The following L3MBTL1 variants were observed in gnomAD, a reference collection of about 807,000 sequenced individuals.
The protein encoded by L3MBTL1 is L3MBTL histone methyl-lysine binding protein 1.
L3MBTL1 carries 75 observed loss-of-function variants against 105.3 expected under a neutral mutation model. The ratio of observed to expected loss-of-function variants is 0.71; its 90% CI spans 0.59 to 0.86. The LOEUF (loss-of-function observed/expected upper bound fraction) is 0.86, where lower values mean the gene tolerates loss of function less well. Among genes scored for constraint, L3MBTL1 ranks in the 40% least tolerant of loss-of-function variants. The pLI is 0.00. For missense variants in L3MBTL1, 1,069 were observed against 1,126.4 expected (o/e 0.95, Z 0.73); for synonymous variants, 452 against 436.2 (o/e 1.04, Z -0.45).
intron 2 of L3MBTL1, 65 bp from the exon 3 acceptor site, chr20:43,513,773 T>C: frequency 6.5e-7 from 1 of 1,539,124 alleles, no homozygotes; most frequent in East Asian, 2.4e-5. Context: ...TACACATGCA[T>C]GGCCGGATTG....
intron 11 of L3MBTL1, chr20:43,531,999 G>C (rs1018226707): frequency 1.3e-5 from 2 of 152,170 alleles, no homozygotes; most frequent in Admixed American, 1.3e-4. Context: ...TTGTACCACT[G>C]TACCCCAGCC....
chr20:43,540,846 G>A (rs2145494715), intron 21 of L3MBTL1, 31 bp downstream of exon 21: 2 of 1,613,708 alleles, frequency 1.2e-6, no homozygotes, highest in Middle Eastern at 1.6e-4. Flanking sequence ...GGGAGACAGA[G>A]CCGGGGTCAC....
intron 9 of L3MBTL1, 79 bp from the exon 10 acceptor site, chr20:43,530,205 C>T: frequency 6.3e-7 from 1 of 1,578,860 alleles, no homozygotes; most frequent in Non-Finnish European, 8.6e-7. Flanking sequence ...GACCACCAGA[C>T]TGGGCCAGGA....
exon 19 of L3MBTL1, chr20:43,548,320 A>G (rs1978766824): frequency 8.2e-7 from 1 of 1,218,520 alleles, no homozygotes; most frequent in Middle Eastern, 2.2e-4. Flanking sequence ...CCTGACCTGA[A>G]TTCCTCATAC....
At chr20:43,530,992 T>G (rs2019309273) in intron 11 of L3MBTL1, 103 bp downstream of exon 11, 1 of 919,238 alleles carries the variant, frequency 1.1e-6, no homozygotes, top group Non-Finnish European at 1.7e-6. Flanking sequence ...ATGTGCTGGT[T>G]CTCTCAGCTT....
intron 1 of L3MBTL1, 73 bp from the exon 2 acceptor site, chr20:43,513,403 C>A (rs1052192008): frequency 7.0e-7 from 1 of 1,426,482 alleles, no homozygotes; most frequent in East Asian, 2.5e-5. Context: ...GAAGCCCCAT[C>A]CCTTCACATC....
chr20:43,536,931 G>A (rs1019303154), intron 19 of L3MBTL1, among the ~76,000 whole-genome samples: 2 of 152,206 alleles, frequency 1.3e-5, no homozygotes, highest in Non-Finnish European at 2.9e-5. Flanking sequence ...TGCTTACTGA[G>A]CATCTACTAT....
At position 43,515,381 on chromosome 20, in the gene L3MBTL1, GC is replaced by G. The variant is rs2145382332; in HGVS notation, c.746del (p.Pro249HisfsTer54). On this transcript the variant is annotated frameshift_variant, in exon 6 of 22. Transcript: ENST00000418998. LOFTEE classifies it high-confidence loss of function. ...MKKRKRREYQ[S>X]PSEEESEPEA... ...AAGAGGAAGCGCAGGGAATACCAGA[GC>G]CCATCAGAGGAGGAGTCGGAGCCAG... 1 of 1,559,950 alleles carries G rather than the reference GC, an allele frequency of 6.4e-7. No homozygotes were observed. The highest frequency in any genetic ancestry group is 1.4e-5 in the African/African-American group (1 of 73,836).
Position 43,513,964 on chromosome 20 carries a change from C to G in L3MBTL1, c.263C>G (p.Pro88Arg), listed in dbSNP as rs1223052626. Residue 88 changes from proline to arginine, a missense_variant, in exon 3 of 22, where the codon CCG becomes CGG. Transcript: ENST00000418998. ...GAACCAGTTTCTGCCACCGTCCTGC[C>G]GCAGCTTAGCGCCGGGCCGGCCAGC... ...GCEPVSATVL[P>R]QLSAGPASSS... 6.5e-6 allele frequency: 10 copies of G among 1,548,428 alleles called. No homozygotes were observed. Among genetic ancestry groups the G allele is most frequent in the Non-Finnish European group, 8.7e-6 (10 of 1,146,930 alleles).
At chr20:43,530,146 G>A (rs2019251979) in intron 9 of L3MBTL1, 138 bp from the exon 10 acceptor site, 1 of 998,358 alleles carries the variant, frequency 1.0e-6, no homozygotes, top group Non-Finnish European at 1.5e-6. Context: ...GTACAATTGG[G>A]AGGAAAGAAA....
At chr20:43,515,464 T>C in intron 6 of L3MBTL1, 49 bp downstream of exon 6, 2 of 1,530,698 alleles carry the variant, frequency 1.3e-6, no homozygotes, top group Non-Finnish European at 1.8e-6. Context: ...AGCCTATGCC[T>C]CAATTCCCAC....
At chr20:43,525,469 A>C (rs1342841549) in intron 7 of L3MBTL1, among the ~76,000 whole-genome samples, 1 of 152,172 alleles carries the variant, frequency 6.6e-6, no homozygotes, top group African/African-American at 2.4e-5. Flanking sequence ...AGACTCAGCC[A>C]CTTGGCTTGG....
chr20:43,515,484 C>T, intron 6 of L3MBTL1, 69 bp downstream of exon 6: 2 of 1,511,624 alleles, frequency 1.3e-6, no homozygotes, highest in Non-Finnish European at 1.8e-6. Context: ...CTGTCCCCTC[C>T]ATCAATCCAG....
exon 19 of L3MBTL1, chr20:43,550,375 C>A (rs1978900580): frequency 6.6e-6 from 1 of 152,158 alleles, no homozygotes; most frequent in African/African-American, 2.4e-5. Flanking sequence ...GGACCAAGGG[C>A]CTTGGAGAAA....
chr20:43,545,728 G>A (rs1387632564), downstream of L3MBTL1, among the ~76,000 whole-genome samples: 4 of 152,214 alleles, frequency 2.6e-5, no homozygotes, highest in African/African-American at 4.8e-5. Context: ...TAATCTCATC[G>A]GTGTGTTTGG....
intron 5 of L3MBTL1, 66 bp from the exon 6 acceptor site, chr20:43,515,226 G>A (rs533065169): frequency 6.2e-7 from 1 of 1,613,410 alleles, no homozygotes; most frequent in African/African-American, 1.3e-5. Flanking sequence ...TCCTGTTCAG[G>A]GGTTAGGAGA....
downstream of L3MBTL1, among the ~76,000 whole-genome samples, chr20:43,542,611 CAAAAA>C (rs5841503): frequency 4.4e-5 from 5 of 112,658 alleles, no homozygotes; most frequent in Middle Eastern, 4.7e-3. Context: ...AAAAATTTAA[CAAAAA>C]AAAAAAAAAA....
In L3MBTL1 at chr20:43,513,550, C is replaced by A. The variant is rs1372012016; in HGVS notation, c.47C>A (p.Pro16His). Residue 16 changes from proline to histidine, a missense_variant, in exon 2 of 22, where the codon CCT becomes CAT. Physicochemically the swap from Pro to His is moderately conservative, Grantham distance 77 (BLOSUM62 -2). Coordinates refer to ENST00000418998, the MANE Select transcript of L3MBTL1 (RefSeq NM_001377303.1). ...GAGATGCTGAGGACACTGAAGGGGC[C>A]TTCCACAGGGGAGGTCAGCATGCAC... is the stretch of plus-strand genomic sequence containing the variant. ...EMEMLRTLKG[P>H]STGEVSMHLV... 6.4e-7 allele frequency: 1 copy of A among 1,550,762 alleles called. No individual in the cohort carries two copies. Among genetic ancestry groups the A allele is most frequent in the South Asian group, 1.2e-5 (1 of 84,066 alleles).
chr20:43,507,856 T>A (rs1346929260), intron 1 of L3MBTL1, 112 bp downstream of exon 1: 1 of 151,800 alleles, frequency 6.6e-6, no homozygotes, highest in South Asian at 2.1e-4. Context: ...GTCTCGCTCC[T>A]TCCGAGCGCC....
Sources: gnomAD v4.1 joint callset for allele counts (sites outside exome capture counted in the v4.1 genomes callset) on GRCh38, gnomAD v4.1.1 for gene constraint, MANE v1.5 for transcripts, NCBI Gene and HGNC (gene_info 2026-07-23, HGNC 2026-07-21) for gene names.